The following BMAL1 variants were observed in gnomAD, a reference collection of about 807,000 sequenced individuals.
BMAL1 encodes basic helix-loop-helix ARNT like 1.
chr11:13,278,459 C>T, the BMAL1 span, among the ~76,000 whole-genome samples: 1 of 152,228 alleles, frequency 6.6e-6, no homozygotes, highest in Non-Finnish European at 1.5e-5. Context: ...CCCTTCCTCC[C>T]CGCTTCACTT....
the BMAL1 span, among the ~76,000 whole-genome samples, chr11:13,284,120 GTGTGTGTGTATA>G: frequency 3.4e-3 from 247 of 72,868 alleles, 30 homozygotes; most frequent in East Asian, 0.014. Flanking sequence ...GTATATATAT[GTGTGTGTGTATA>G]TATATATATA....
the BMAL1 span, among the ~76,000 whole-genome samples, chr11:13,362,837 C>G: frequency 6.6e-6 from 1 of 152,068 alleles, no homozygotes; most frequent in Middle Eastern, 3.2e-3. Context: ...AATGCCCTGT[C>G]ACCATCTTGA....
the BMAL1 span, among the ~76,000 whole-genome samples, chr11:13,369,102 A>G: frequency 6.6e-6 from 1 of 152,164 alleles, no homozygotes; most frequent in Non-Finnish European, 1.5e-5. Context: ...CTGTAGGTTG[A>G]TCATGCATCC....
chr11:13,326,218 G>T, the BMAL1 span, among the ~76,000 whole-genome samples: 3 of 148,304 alleles, frequency 2.0e-5, no homozygotes, highest in Non-Finnish European at 4.5e-5. Context: ...AAAAAAAAGA[G>T]TAGAACAAGG....
At chr11:13,379,807 G>A in the BMAL1 span, 1 of 152,200 alleles carries the variant, frequency 6.6e-6, no homozygotes, top group African/African-American at 2.4e-5. Context: ...AACTGGGCAG[G>A]CTTTGTGTAG....
the BMAL1 span, among the ~76,000 whole-genome samples, chr11:13,324,601 C>G: frequency 2.0e-5 from 3 of 152,210 alleles, no homozygotes; most frequent in South Asian, 4.1e-4. Context: ...ACTCATCACT[C>G]TCTGACTTTA....
the BMAL1 span, among the ~76,000 whole-genome samples, chr11:13,338,800 C>T: frequency 3.3e-5 from 5 of 152,208 alleles, no homozygotes; most frequent in African/African-American, 9.6e-5. Context: ...CCCAAAAGGT[C>T]GTTACGAGGA....
chr11:13,347,347 C>A, the BMAL1 span, among the ~76,000 whole-genome samples: 1 of 152,020 alleles, frequency 6.6e-6, no homozygotes, highest in Non-Finnish European at 1.5e-5. Context: ...CACCACTGCA[C>A]CCTAACCTGG....
At chr11:13,284,246 A>ATGTGTG in the BMAL1 span, among the ~76,000 whole-genome samples, 46 of 11,266 alleles carry the variant, frequency 4.1e-3, 2 homozygotes, top group Non-Finnish European at 5.5e-3. Context: ...ATATATATAT[A>ATGTGTG]TATATATATA....
chr11:13,329,654 C>T, the BMAL1 span, among the ~76,000 whole-genome samples: 1 of 152,206 alleles, frequency 6.6e-6, no homozygotes, highest in African/African-American at 2.4e-5. Flanking sequence ...GCATGCAGTT[C>T]TTCAATGGCT....
chr11:13,284,170 ATATATATGTG>A, the BMAL1 span, among the ~76,000 whole-genome samples: 2 of 42,728 alleles, frequency 4.7e-5, no homozygotes, highest in South Asian at 6.8e-4. Flanking sequence ...GTGTGTATAT[ATATATATGTG>A]TATATATATA....
chr11:13,297,953 A>G, the BMAL1 span, among the ~76,000 whole-genome samples: 26 of 152,278 alleles, frequency 1.7e-4, no homozygotes, highest in African/African-American at 6.0e-4. Flanking sequence ...CGATCCTGTG[A>G]CCGAGGGTCA....
chr11:13,302,968 T>A, the BMAL1 span, among the ~76,000 whole-genome samples: 2 of 152,222 alleles, frequency 1.3e-5, no homozygotes, highest in Non-Finnish European at 2.9e-5. Context: ...AAACCCAGTC[T>A]TGTCCTCTGG....
the BMAL1 span, among the ~76,000 whole-genome samples, chr11:13,292,022 G>A: frequency 6.6e-6 from 1 of 152,184 alleles, no homozygotes; most frequent in African/African-American, 2.4e-5. Context: ...AGCTTTCAGT[G>A]CCTTTCCTAG....
chr11:13,342,179 A>G, the BMAL1 span, among the ~76,000 whole-genome samples: 1 of 152,206 alleles, frequency 6.6e-6, no homozygotes, highest in East Asian at 1.9e-4. Flanking sequence ...AACTCTTGCA[A>G]AAAATTCCTG....
the BMAL1 span, among the ~76,000 whole-genome samples, chr11:13,302,389 C>A: frequency 1.3e-5 from 2 of 152,158 alleles, no homozygotes; most frequent in East Asian, 3.9e-4. Flanking sequence ...GTCCTCTTAT[C>A]TGTAGAAAGA....
chr11:13,276,964 T>C, the BMAL1 span: 1 of 152,258 alleles, frequency 6.6e-6, no homozygotes, highest in Non-Finnish European at 1.5e-5. Flanking sequence ...AAAACCTGGC[T>C]ACTGGAAGGA....
At chr11:13,284,160 GTGTGTA>G in the BMAL1 span, among the ~76,000 whole-genome samples, 2 of 9,532 alleles carry the variant, frequency 2.1e-4, no homozygotes, top group Non-Finnish European at 3.2e-4. Context: ...ATATATATAT[GTGTGTA>G]TATATATATA....
At chr11:13,282,436 G>A in the BMAL1 span, among the ~76,000 whole-genome samples, 1 of 152,102 alleles carries the variant, frequency 6.6e-6, no homozygotes, top group East Asian at 1.9e-4. Flanking sequence ...TTGCCTTGCC[G>A]GGGTGCCTTG....
Sources: gnomAD v4.1 joint callset for allele counts (sites outside exome capture counted in the v4.1 genomes callset) on GRCh38, gnomAD v4.1.1 for gene constraint, MANE v1.5 for transcripts, NCBI Gene and HGNC (gene_info 2026-07-23, HGNC 2026-07-21) for gene names.